The following NT5E variants were observed in gnomAD, a reference collection of about 807,000 sequenced individuals.
NT5E encodes 5'-nucleotidase ecto.
A neutral mutation model predicts 55.1 loss-of-function variants in NT5E; 53 were observed. That is an observed-to-expected ratio of 0.96 (90% CI 0.77 to 1.21). NT5E has a LOEUF of 1.21. Ranked by LOEUF, NT5E falls within the 50% of genes most tolerant of loss-of-function variation. The probability of loss-of-function intolerance (pLI) is 0.00; values close to 1 mark genes in which losing one functional copy is unlikely to be tolerated. For synonymous variants in NT5E, 270 were observed against 278.4 expected, an observed-to-expected ratio of 0.97 and a Z score of 0.30; for missense variants, 683 against 724.3, an observed-to-expected ratio of 0.94 and a Z score of 0.65.
At chr6:85,464,588 G>T (rs946140250) in intron 1 of NT5E, among the ~76,000 whole-genome samples, 9 of 152,226 alleles carry the variant, frequency 5.9e-5, no homozygotes, top group African/African-American at 2.2e-4. Context: ...CCTGCTTAGG[G>T]TGTTTACTTC....
intron 1 of NT5E, among the ~76,000 whole-genome samples, chr6:85,463,381 C>G (rs1020017602): frequency 6.6e-6 from 1 of 152,032 alleles, no homozygotes; most frequent in Non-Finnish European, 1.5e-5. Context: ...AGAGAAAGAG[C>G]ATCAGAACAT....
intron 4 of NT5E, among the ~76,000 whole-genome samples, chr6:85,486,744 A>T (rs1050189951): frequency 3.3e-5 from 5 of 152,188 alleles, no homozygotes; most frequent in African/African-American, 1.2e-4. Flanking sequence ...TTCATCTTTT[A>T]TTCCGTAGCA....
At chr6:85,455,877 T>G (rs963305971) in intron 1 of NT5E, among the ~76,000 whole-genome samples, 2 of 152,230 alleles carry the variant, frequency 1.3e-5, no homozygotes, top group Non-Finnish European at 2.9e-5. Flanking sequence ...AAGTATTCTG[T>G]GTTCAGTGTG....
chr6:85,473,405 C>T (rs940220237), intron 3 of NT5E, among the ~76,000 whole-genome samples: 22 of 152,138 alleles, frequency 1.4e-4, no homozygotes, highest in Non-Finnish European at 2.9e-4. Flanking sequence ...TGTGCTGGCT[C>T]ACTGGATAAG....
chr6:85,485,169 G>C, intron 3 of NT5E, 66 bp from the exon 4 acceptor site: 11 of 1,495,526 alleles, frequency 7.4e-6, no homozygotes, highest in Middle Eastern at 4.3e-4. Flanking sequence ...CCAGTAGCCC[G>C]CTGGCCTACA....
rs1471832906 is a variant in NT5E at position 85,494,274 on chromosome 6, A to G, written c.*270A>G. On this transcript the variant is annotated 3_prime_UTR_variant, in exon 9 of 9. Transcript: ENST00000257770. ...TCCAAATTTTAATGAAATTTTACTA[A>G]CAATTTTAAACCATATTTTTCTTCT... 2 of 445,920 alleles carry G rather than the reference A, an allele frequency of 4.5e-6. No homozygotes were observed. The highest frequency in any genetic ancestry group is 8.0e-6 in the Non-Finnish European group (2 of 251,320). 27.6% of individuals were successfully genotyped at this position (445,920 alleles called of 1,614,324 possible). A position where few individuals can be genotyped will look rare whatever the true frequency, so the allele number is the denominator to read the frequency against.
chr6:85,471,100 GAATA>G, intron 2 of NT5E, 133 bp from the exon 3 acceptor site: 1 of 515,300 alleles, frequency 1.9e-6, no homozygotes, highest in Non-Finnish European at 3.3e-6. Context: ...TGTATTTAAT[GAATA>G]AATATGTTTT....
chr6:85,474,270 AAAGAC>A (rs1395685572), intron 3 of NT5E, among the ~76,000 whole-genome samples: 14 of 152,238 alleles, frequency 9.2e-5, no homozygotes, highest in African/African-American at 3.4e-4. Flanking sequence ...TTTAGGGAGC[AAAGAC>A]AAGAAAAAAT....
intron 3 of NT5E, 132 bp from the exon 4 acceptor site, chr6:85,485,103 A>C (rs1321578403): frequency 4.8e-6 from 4 of 832,234 alleles, no homozygotes; most frequent in Non-Finnish European, 7.9e-6. Context: ...GCTCTGAAAG[A>C]CTAGCTATGT....
chr6:85,463,081 T>G (rs531402077), intron 1 of NT5E, among the ~76,000 whole-genome samples: 1 of 152,212 alleles, frequency 6.6e-6, no homozygotes, highest in African/African-American at 2.4e-5. Context: ...ATTCTTTTTT[T>G]AAAAATAGTG....
In NT5E at chr6:85,460,724, G is replaced by A. The variant is rs549423179; in HGVS notation, c.340-6336G>A. ...TTTTCACCTGTAAATGAATGCTGCC[G>A]TTGGTATTGAGAAAATGGGTGAATG... On this transcript the variant is annotated intron_variant, in intron 1 of 8. Transcript: ENST00000257770. 5.9e-5 allele frequency among the ~76,000 whole-genome samples: 9 copies of A among 152,236 alleles called. 1 individual carries two copies. The South Asian group carries it at 1.0e-3, about 18-fold the overall frequency.
chr6:85,483,214 CAG>C (rs1330633058), intron 3 of NT5E, among the ~76,000 whole-genome samples: 1 of 152,234 alleles, frequency 6.6e-6, no homozygotes. Context: ...AGGAAACTGA[CAG>C]ACTCCTGATA....
intron 1 of NT5E, among the ~76,000 whole-genome samples, chr6:85,453,193 C>T (rs1768923084): frequency 6.6e-6 from 1 of 152,172 alleles, no homozygotes. Flanking sequence ...TCCCCTGAGG[C>T]ACGAGGAAGA....
intron 2 of NT5E, 52 bp from the exon 3 acceptor site, chr6:85,471,185 A>G: frequency 4.0e-6 from 5 of 1,245,182 alleles, no homozygotes; most frequent in Non-Finnish European, 2.3e-6. Flanking sequence ...TATATTAAGT[A>G]ATATAATAAA....
At chr6:85,473,201 A>T (rs1249794722) in intron 3 of NT5E, among the ~76,000 whole-genome samples, 1 of 152,130 alleles carries the variant, frequency 6.6e-6, no homozygotes, top group Non-Finnish European at 1.5e-5. Context: ...AGGGGTGAAG[A>T]CTCAACAAAG....
At chr6:85,467,598 G>C (rs1197505856) in intron 2 of NT5E, among the ~76,000 whole-genome samples, 1 of 152,144 alleles carries the variant, frequency 6.6e-6, no homozygotes, top group Admixed American at 6.5e-5. Flanking sequence ...TAGAGAATGA[G>C]AGCCTCAAAA....
chr6:85,452,539 G>C (rs1403375047), intron 1 of NT5E, among the ~76,000 whole-genome samples: 2 of 152,152 alleles, frequency 1.3e-5, no homozygotes, highest in African/African-American at 4.8e-5. Context: ...ATTGGGTTCT[G>C]AGGAAAAATA....
intron 7 of NT5E, chr6:85,491,179 C>T (rs781062093): frequency 2.3e-5 from 11 of 470,288 alleles, no homozygotes; most frequent in African/African-American, 4.0e-5. Context: ...AGGGAGAAAA[C>T]CTTTCCTGTT....
chr6:85,485,806 G>T (rs570503033), intron 4 of NT5E, among the ~76,000 whole-genome samples: 1 of 152,324 alleles, frequency 6.6e-6, no homozygotes, highest in Non-Finnish European at 1.5e-5. Flanking sequence ...GAGGCAGTGT[G>T]CCTTAGGCAA....
Sources: allele counts gnomAD v4.1 joint callset (sites outside exome capture counted in the v4.1 genomes callset), GRCh38; gene constraint gnomAD v4.1.1; transcripts MANE v1.5; gene names NCBI Gene and HGNC (gene_info 2026-07-23, HGNC 2026-07-21).